The following CADM2 variants were observed in gnomAD, a reference collection of about 807,000 sequenced individuals.
The protein encoded by CADM2 is cell adhesion molecule 2.
In CADM2, 12 loss-of-function variants were observed where a neutral mutation model predicts 49.8. The ratio of observed to expected loss-of-function variants is 0.24; its 90% CI spans 0.15 to 0.39. The LOEUF is 0.39. CADM2 is among the 10% of genes least tolerant of loss of function. The pLI is 1.00. For missense variants in CADM2, 378 were observed against 492.3 expected (o/e 0.77, Z 2.20); for synonymous variants, 214 against 175.4 (o/e 1.22, Z -1.74).
chr3:86,032,135 C>T (rs1291186134), intron 8 of CADM2, among the ~76,000 whole-genome samples: 1 of 151,258 alleles, frequency 6.6e-6, no homozygotes, highest in Non-Finnish European at 1.5e-5. Context: ...TTTAATACAC[C>T]AATTAAATGA....
intron 1 of CADM2, among the ~76,000 whole-genome samples, chr3:85,175,397 T>G (rs2107692321): frequency 6.6e-6 from 1 of 152,308 alleles, no homozygotes; most frequent in East Asian, 1.9e-4. Context: ...CAAAATGTGG[T>G]ATATAAATAC....
chr3:86,052,950 A>C (rs1030574039), intron 8 of CADM2, among the ~76,000 whole-genome samples: 1 of 152,248 alleles, frequency 6.6e-6, no homozygotes, highest in South Asian at 2.1e-4. Context: ...ATCCATGACT[A>C]TCTGATCACT....
At chr3:85,217,110 T>C (rs1480580495) in intron 1 of CADM2, among the ~76,000 whole-genome samples, 2 of 151,922 alleles carry the variant, frequency 1.3e-5, no homozygotes, top group Admixed American at 1.3e-4. Flanking sequence ...TCATAAAAAG[T>C]AAGAATTCTT....
At chr3:85,845,641 T>C (rs2108276054) in intron 3 of CADM2, among the ~76,000 whole-genome samples, 1 of 152,228 alleles carries the variant, frequency 6.6e-6, no homozygotes, top group South Asian at 2.1e-4. Flanking sequence ...TACCCCAAGT[T>C]AGATTATGTC....
At chr3:85,081,828 A>G (rs1358174427) in intron 1 of CADM2, among the ~76,000 whole-genome samples, 1 of 152,168 alleles carries the variant, frequency 6.6e-6, no homozygotes, top group Non-Finnish European at 1.5e-5. Flanking sequence ...CTGTCTTGGT[A>G]TAAAGAAGGA....
chr3:85,279,232 T>C (rs1446164901), intron 1 of CADM2, among the ~76,000 whole-genome samples: 9 of 151,596 alleles, frequency 5.9e-5, no homozygotes, highest in Non-Finnish European at 1.3e-4. Context: ...AGAGCCTAAA[T>C]ACATGGATAA....
In CADM2 at chr3:86,008,155, A is replaced by T. The variant is rs184386416; in HGVS notation, c.970+46508A>T. Reference sequence around the variant, plus strand: ...TTTTTCCAAAGTTGAGGGTTATTCTAAAGGATAGTATTGCAAAATGTAAAA... The same window carrying T: ...TTTTTCCAAAGTTGAGGGTTATTCTTAAGGATAGTATTGCAAAATGTAAAA... On this transcript the variant is annotated intron_variant, in intron 8 of 9. Coordinates refer to ENST00000383699, the MANE Select transcript of CADM2 (RefSeq NM_001167675.2). 1.9e-3 allele frequency among the ~76,000 whole-genome samples: 294 copies of T among 152,236 alleles called. 1 individual carries two copies. Among genetic ancestry groups the T allele is most frequent in the African/African-American group, 6.5e-3 (271 of 41,552 alleles).
At chr3:85,756,166 T>G (rs1270736078) in intron 2 of CADM2, among the ~76,000 whole-genome samples, 1 of 151,968 alleles carries the variant, frequency 6.6e-6, no homozygotes, top group African/African-American at 2.4e-5. Context: ...GACCAATTTT[T>G]TTTTTTAATT....
intron 8 of CADM2, among the ~76,000 whole-genome samples, chr3:86,051,449 T>G (rs559845559): frequency 6.6e-6 from 1 of 152,322 alleles, no homozygotes; most frequent in South Asian, 2.1e-4. Context: ...CTCCAAACTT[T>G]TTCCAGCCTC....
intron 1 of CADM2, among the ~76,000 whole-genome samples, chr3:85,391,944 A>G (rs1217242925): frequency 2.0e-5 from 3 of 152,156 alleles, no homozygotes; most frequent in African/African-American, 7.2e-5. Context: ...GAGAAAAGAC[A>G]AAACAGTCTC....
chr3:85,707,617 T>C (rs2066991412), intron 1 of CADM2, among the ~76,000 whole-genome samples: 1 of 152,124 alleles, frequency 6.6e-6, no homozygotes, highest in Non-Finnish European at 1.5e-5. Context: ...TATGGATGAA[T>C]TTAAGTAGTG....
chr3:85,159,593 G>A (rs1026659088), intron 1 of CADM2, among the ~76,000 whole-genome samples: 1 of 152,144 alleles, frequency 6.6e-6, no homozygotes, highest in African/African-American at 2.4e-5. Flanking sequence ...AGCAGTTAAG[G>A]AAAGCCATAA....
chr3:85,348,889 A>AT (rs1426682142), intron 1 of CADM2, among the ~76,000 whole-genome samples: 1 of 152,124 alleles, frequency 6.6e-6, no homozygotes, highest in Admixed American at 6.6e-5. Flanking sequence ...AAAATAATTT[A>AT]TTTTTTCATA....
At chr3:85,801,719 C>A (rs2072051017) in intron 2 of CADM2, among the ~76,000 whole-genome samples, 1 of 152,060 alleles carries the variant, frequency 6.6e-6, no homozygotes, top group African/African-American at 2.4e-5. Flanking sequence ...CAACAATGAC[C>A]AAGTTTAGTA....
At chr3:85,286,226 C>G (rs1410874910) in intron 1 of CADM2, among the ~76,000 whole-genome samples, 1 of 152,094 alleles carries the variant, frequency 6.6e-6, no homozygotes, top group Non-Finnish European at 1.5e-5. Flanking sequence ...GGAATATAAG[C>G]TTGTGTGAGC....
chr3:86,054,452 A>G (rs17024695), intron 8 of CADM2, among the ~76,000 whole-genome samples: 4,893 of 152,158 alleles, frequency 0.032, 252 homozygotes, highest in African/African-American at 0.11. Context: ...GTATTGGCTC[A>G]TAAAAACTTA....
chr3:86,050,295 G>C (rs1559825479), intron 8 of CADM2, among the ~76,000 whole-genome samples: 1 of 152,160 alleles, frequency 6.6e-6, no homozygotes, highest in Non-Finnish European at 1.5e-5. Flanking sequence ...CTGGTTTGAG[G>C]GGTGGGCTAC....
intron 5 of CADM2, among the ~76,000 whole-genome samples, chr3:85,894,617 C>A (rs1036553478): frequency 6.6e-6 from 1 of 152,122 alleles, no homozygotes; most frequent in East Asian, 1.9e-4. Flanking sequence ...ATGTCAGAGA[C>A]CTTCAGGGCA....
intron 1 of CADM2, among the ~76,000 whole-genome samples, chr3:85,451,568 A>G (rs2037749677): frequency 6.6e-6 from 1 of 152,070 alleles, no homozygotes; most frequent in African/African-American, 2.4e-5. Flanking sequence ...CCCATCATAT[A>G]CTTCCTCAGG....
Sources: allele counts gnomAD v4.1 joint callset (sites outside exome capture counted in the v4.1 genomes callset), GRCh38; gene constraint gnomAD v4.1.1; transcripts MANE v1.5; gene names NCBI Gene and HGNC (gene_info 2026-07-23, HGNC 2026-07-21).